Variants in PIP4P2 observed in about 807,000 individuals in gnomAD.
The protein encoded by PIP4P2 is phosphatidylinositol-4,5-bisphosphate 4-phosphatase 2, also known as type 2 phosphatidylinositol 4,5-bisphosphate 4-phosphatase.
Under a neutral mutation model 33.3 loss-of-function variants are expected in PIP4P2, and 19 were observed. The observed-to-expected ratio is 0.57, with a 90% CI of 0.40 to 0.84. The LOEUF (loss-of-function observed/expected upper bound fraction) is 0.84. Ranked by LOEUF, PIP4P2 falls within the 40% of genes least tolerant of loss-of-function variation. The probability of loss-of-function intolerance (pLI) is 0.00; values close to 1 mark genes in which losing one functional copy is unlikely to be tolerated. For synonymous variants in PIP4P2, 110 were observed against 111.9 expected (o/e 0.98, Z 0.11); for missense variants, 270 against 324.7 (o/e 0.83, Z 1.29).
At chr8:91,007,701 A>G (rs1456421748) in intron 5 of PIP4P2, among the ~76,000 whole-genome samples, 1 of 152,196 alleles carries the variant, frequency 6.6e-6, no homozygotes, top group African/African-American at 2.4e-5. Flanking sequence ...CCCTGCTTGT[A>G]AGGTTGGCCC....
chr8:91,026,205 T>C (rs1212083441), intron 1 of PIP4P2, among the ~76,000 whole-genome samples: 1 of 152,184 alleles, frequency 6.6e-6, no homozygotes, highest in Admixed American at 6.6e-5. Context: ...TTATTCCTTC[T>C]ATTTGTTACC....
Position 91,020,204 on chromosome 8 carries a change from G to A in PIP4P2, c.315C>T (p.Leu105=), listed in dbSNP as rs370985547. Residue 105 remains leucine, a synonymous_variant, in exon 3 of 7, where the codon CTC becomes CTT. Coordinates refer to ENST00000285419, the MANE Select transcript of PIP4P2 (RefSeq NM_018710.3). ...TTCGCCGAGATGTGTCCTTACAAATGAGAAGACAATTACAAGGGCATCTAA... is the reference window on the plus strand; with the variant it reads ...TTCGCCGAGATGTGTCCTTACAAATAAGAAGACAATTACAAGGGCATCTAA... ...KYVRCPCNCL[L]ICKDTSRRIG... is the part of the protein sequence containing the mutation. The A allele has an allele frequency of 1.1e-5, 17 of 1,613,692 alleles. No individual in the cohort carries two copies. Among genetic ancestry groups the A allele is most frequent in the Non-Finnish European group, 1.4e-5 (17 of 1,179,820 alleles).
At chr8:91,040,418 T>TCAC (rs58764824) in intron 1 of PIP4P2, among the ~76,000 whole-genome samples, 68,983 of 131,274 alleles carry the variant, frequency 0.53, 18,245 homozygotes, top group South Asian at 0.66. Context: ...ACCACCACCA[T>TCAC]CACCACCACC....
chr8:91,038,193 A>G (rs1812257789), intron 1 of PIP4P2, among the ~76,000 whole-genome samples: 1 of 152,228 alleles, frequency 6.6e-6, no homozygotes. Context: ...CTAGAAATAA[A>G]CACTCCACCG....
At chr8:91,040,134 T>C (rs1241858077) in intron 1 of PIP4P2, among the ~76,000 whole-genome samples, 1 of 152,196 alleles carries the variant, frequency 6.6e-6, no homozygotes, top group Admixed American at 6.5e-5. Context: ...GGCAATTCAC[T>C]GAGTGAACAG....
intron 5 of PIP4P2, among the ~76,000 whole-genome samples, chr8:91,006,186 A>C (rs1338111904): frequency 6.6e-6 from 1 of 152,218 alleles, no homozygotes; most frequent in African/African-American, 2.4e-5. Flanking sequence ...GAAGGAAAAC[A>C]TTCAAAAAGA....
chr8:91,006,728 G>A (rs1212337297), intron 5 of PIP4P2, among the ~76,000 whole-genome samples: 2 of 152,168 alleles, frequency 1.3e-5, no homozygotes, highest in Admixed American at 1.3e-4. Context: ...CAGCACTTTG[G>A]GAGGCTGAGA....
At chr8:90,998,067 A>T (rs373564150) in intron 5 of PIP4P2, among the ~76,000 whole-genome samples, 2 of 151,948 alleles carry the variant, frequency 1.3e-5, no homozygotes, top group Admixed American at 1.3e-4. Context: ...TTTATGTAAC[A>T]TTTAGCCCTA....
chr8:91,018,398 T>A lies in PIP4P2; in HGVS notation c.478A>T (p.Thr160Ser). Residue 160 changes from threonine (T) to serine (S), a missense_variant, in exon 4 of 7, where the codon ACA (threonine) becomes TCA (serine). By Grantham distance (58) the Thr-to-Ser change is moderately conservative. Coordinates refer to ENST00000285419, the MANE Select transcript of PIP4P2 (RefSeq NM_018710.3). ...AATGTCCAGTGACTTACCAGGAATG[T>A]GTTTCCACAGTGCCCACACACGACC... ...TRVVCGHCGN[T>S]FLWMELRFNT... The A allele has an allele frequency of 6.2e-7, 1 of 1,614,016 alleles. No individual in the cohort carries two copies. The highest frequency in any genetic ancestry group is 8.5e-7 in the Non-Finnish European group (1 of 1,179,908).
Position 91,018,256 on chromosome 8 carries a change from T to C in PIP4P2, c.486+134A>G, listed in dbSNP as rs934101086. The stretch of plus-strand genomic sequence containing the variant: ...TATCCTAGTTGCACTTCTGATTGTC[T>C]GCCTAAATAAGTCTCTATTTTAATA... On this transcript the variant is annotated intron_variant, in intron 4 of 6. Coordinates refer to ENST00000285419, the MANE Select transcript of PIP4P2 (RefSeq NM_018710.3). The C allele has an allele frequency of 1.5e-5, 20 of 1,376,208 alleles. No individual in the cohort carries two copies. The African/African-American group carries it at 2.5e-4, about 17-fold the overall frequency. The allele number at this position is 1,376,208 out of a possible 1,614,324, so 85.2% of individuals were successfully genotyped here. A position where few individuals can be genotyped will look rare whatever the true frequency, so the allele number is the denominator to read the frequency against.
chr8:91,020,128 G>T, intron 3 of PIP4P2, 29 bp downstream of exon 3: 9 of 1,599,548 alleles, frequency 5.6e-6, no homozygotes, highest in Non-Finnish European at 7.7e-6. Context: ...ACAAATGAAT[G>T]AATCAATGAA....
intron 1 of PIP4P2, among the ~76,000 whole-genome samples, chr8:91,031,580 A>G (rs538775198): frequency 6.6e-6 from 1 of 152,318 alleles, no homozygotes; most frequent in South Asian, 2.1e-4. Flanking sequence ...GAGGAAGAAA[A>G]ATTTTGCCAT....
At chr8:91,039,689 C>A (rs2130387859) in intron 1 of PIP4P2, among the ~76,000 whole-genome samples, 1 of 152,292 alleles carries the variant, frequency 6.6e-6, no homozygotes, top group Non-Finnish European at 1.5e-5. Context: ...TTTGACCAAT[C>A]TTTTCACTAA....
chr8:91,007,538 C>T (rs1811779265), intron 5 of PIP4P2, among the ~76,000 whole-genome samples: 1 of 152,138 alleles, frequency 6.6e-6, no homozygotes, highest in Non-Finnish European at 1.5e-5. Context: ...ATTGGATTGT[C>T]TAAGCATTCC....
chr8:91,032,821 T>G (rs1164831538), intron 1 of PIP4P2, among the ~76,000 whole-genome samples: 1 of 150,754 alleles, frequency 6.6e-6, no homozygotes, highest in South Asian at 2.1e-4. Context: ...ACAAAACACC[T>G]GAGCACAAGG....
At chr8:91,027,272 CCAAA>C (rs1349430448) in intron 1 of PIP4P2, among the ~76,000 whole-genome samples, 1 of 152,084 alleles carries the variant, frequency 6.6e-6, no homozygotes, top group Non-Finnish European at 1.5e-5. Flanking sequence ...CTGATTGTAC[CCAAA>C]CAGAGCTGAA....
At chr8:91,011,952 A>T (rs1479015770) in intron 4 of PIP4P2, among the ~76,000 whole-genome samples, 2 of 151,854 alleles carry the variant, frequency 1.3e-5, no homozygotes, top group African/African-American at 4.8e-5. Flanking sequence ...TTAAGTATAA[A>T]TTTTTTAAAT....
chr8:91,019,727 T>C (rs2130368839), intron 3 of PIP4P2, among the ~76,000 whole-genome samples: 1 of 151,974 alleles, frequency 6.6e-6, no homozygotes, highest in Non-Finnish European at 1.5e-5. Flanking sequence ...GTGCATGCTG[T>C]CACACCTGGC....
At chr8:91,015,744 T>C (rs776285275) in intron 4 of PIP4P2, among the ~76,000 whole-genome samples, 21 of 152,208 alleles carry the variant, frequency 1.4e-4, no homozygotes, top group Non-Finnish European at 2.8e-4. Flanking sequence ...TACTGCTGTG[T>C]CTGGTTTCTA....
Sources: allele counts gnomAD v4.1 joint callset (sites outside exome capture counted in the v4.1 genomes callset), GRCh38; gene constraint gnomAD v4.1.1; transcripts MANE v1.5; gene names NCBI Gene and HGNC (gene_info 2026-07-23, HGNC 2026-07-21).